Variants in FRMPD4 observed in about 807,000 individuals in gnomAD.
FRMPD4 encodes FERM and PDZ domain-containing protein 4.
In FRMPD4, 22 loss-of-function variants were observed where a neutral mutation model predicts 94.1. The observed-to-expected ratio is 0.23, with a 90% CI of 0.17 to 0.33. FRMPD4 has a LOEUF of 0.33. Ranked by LOEUF, FRMPD4 falls within the 10% of genes least tolerant of loss-of-function variation. FRMPD4 has a pLI of 1.00. For missense variants in FRMPD4, 1,111 were observed against 1,339.9 expected (o/e 0.83, Z 2.67); for synonymous variants, 631 against 548.6 (o/e 1.15, Z -2.10).
intron 2 of FRMPD4, among the ~76,000 whole-genome samples, chrX:12,527,227 A>C (rs1013726196): frequency 8.9e-6 from 1 of 111,857 alleles, no homozygotes; most frequent in Non-Finnish European, 1.9e-5. Context: ...GCTTAATTAA[A>C]GCTTTTACTG....
intron 1 of FRMPD4, among the ~76,000 whole-genome samples, chrX:12,380,379 A>T (rs1271410535): frequency 8.9e-6 from 1 of 111,969 alleles, no homozygotes; most frequent in Non-Finnish European, 1.9e-5. Context: ...GCAGAAGAGG[A>T]CTCATACCAG....
At chrX:11,884,195 TTAGAGA>T (rs1358845906) in intron 3 of FRMPD4, among the ~76,000 whole-genome samples, 1 of 112,225 alleles carries the variant, frequency 8.9e-6, no homozygotes, top group African/African-American at 3.2e-5. Context: ...TTGCTCATTC[TTAGAGA>T]TGTCATGGAC....
intron 3 of FRMPD4, among the ~76,000 whole-genome samples, chrX:12,051,608 G>A (rs753806172): frequency 8.9e-6 from 1 of 111,999 alleles, no homozygotes; most frequent in African/African-American, 3.2e-5. Flanking sequence ...CTAAAACATT[G>A]TGTCCTTTTC....
At chrX:11,875,522 G>C (rs1001866111) in intron 2 of FRMPD4, among the ~76,000 whole-genome samples, 10 of 111,748 alleles carry the variant, frequency 8.9e-5, no homozygotes, top group Non-Finnish European at 1.7e-4. Flanking sequence ...CTCAAGTGGA[G>C]CTCCCCGACT....
intron 3 of FRMPD4, among the ~76,000 whole-genome samples, chrX:11,953,581 C>T (rs1259383808): frequency 1.8e-5 from 2 of 111,494 alleles, no homozygotes; most frequent in African/African-American, 6.5e-5. Context: ...GGGGAGAGAA[C>T]TTTGCAATAG....
intron 1 of FRMPD4, among the ~76,000 whole-genome samples, chrX:12,410,621 AGT>A: frequency 9.0e-6 from 1 of 111,699 alleles, no homozygotes; most frequent in South Asian, 3.8e-4. Context: ...TCCTGCCCAC[AGT>A]CCTCTAAAAT....
At chrX:11,981,079 C>G (rs1211180449) in intron 3 of FRMPD4, among the ~76,000 whole-genome samples, 2 of 111,567 alleles carry the variant, frequency 1.8e-5, no homozygotes, top group Non-Finnish European at 3.8e-5. Flanking sequence ...CCTACAAAGC[C>G]TAAAACATCT....
intron 1 of FRMPD4, among the ~76,000 whole-genome samples, chrX:12,292,187 G>A (rs1159785003): frequency 9.0e-6 from 1 of 111,710 alleles, no homozygotes; most frequent in Non-Finnish European, 1.9e-5. Flanking sequence ...TGATTTGGGG[G>A]AAAGGAAGCA....
At chrX:12,541,085 A>T (rs2058405338) in intron 2 of FRMPD4, among the ~76,000 whole-genome samples, 2 of 112,369 alleles carry the variant, frequency 1.8e-5, no homozygotes, top group Non-Finnish European at 3.8e-5. Context: ...GACACATTTA[A>T]AGCAGTGTGT....
intron 3 of FRMPD4, among the ~76,000 whole-genome samples, chrX:11,964,208 G>C (rs745344186): frequency 1.0e-4 from 11 of 109,939 alleles, no homozygotes; most frequent in Admixed American, 4.8e-4. Flanking sequence ...CGCCCAGGTA[G>C]GAGTGTGGTG....
intron 1 of FRMPD4, among the ~76,000 whole-genome samples, chrX:12,150,631 T>C (rs1338794413): frequency 8.9e-6 from 1 of 112,257 alleles, no homozygotes; most frequent in African/African-American, 3.2e-5. Flanking sequence ...TTTCTTTATA[T>C]GCTCTATATT....
At chrX:12,611,516 A>G (rs1416870562) in intron 3 of FRMPD4, among the ~76,000 whole-genome samples, 1 of 112,221 alleles carries the variant, frequency 8.9e-6, no homozygotes, top group Non-Finnish European at 1.9e-5. Context: ...AGGATGCAAT[A>G]AATTAGAAGA....
chrX:12,555,905 T>C (rs2058590674), intron 2 of FRMPD4, among the ~76,000 whole-genome samples: 2 of 111,988 alleles, frequency 1.8e-5, no homozygotes, highest in Admixed American at 9.5e-5. Context: ...GCCATTTTTT[T>C]CTTTCTTTTT....
intron 3 of FRMPD4, among the ~76,000 whole-genome samples, chrX:12,045,699 G>T (rs2054781653): frequency 9.0e-6 from 1 of 110,957 alleles, no homozygotes; most frequent in Admixed American, 9.6e-5. Context: ...GTTCTCCAAG[G>T]ATCCTTAGCA....
intron 1 of FRMPD4, among the ~76,000 whole-genome samples, chrX:11,830,640 A>G (rs1439573230): frequency 8.9e-6 from 1 of 112,278 alleles, no homozygotes; most frequent in African/African-American, 3.2e-5. Flanking sequence ...AATTTTTTAA[A>G]AAAGCTTGTA....
At chrX:12,209,846 T>C (rs181448887) in intron 1 of FRMPD4, among the ~76,000 whole-genome samples, 1 of 112,085 alleles carries the variant, frequency 8.9e-6, no homozygotes, top group East Asian at 2.8e-4. Flanking sequence ...CTCTCAACTG[T>C]TAATAATTGA....
intron 2 of FRMPD4, among the ~76,000 whole-genome samples, chrX:12,525,902 T>C (rs1383418536): frequency 8.9e-6 from 1 of 112,591 alleles, no homozygotes; most frequent in African/African-American, 3.2e-5. Context: ...TCTTTTCATA[T>C]GCCTATTGAC....
At chrX:12,427,782 G>T (rs2056962153) in intron 1 of FRMPD4, among the ~76,000 whole-genome samples, 1 of 109,954 alleles carries the variant, frequency 9.1e-6, no homozygotes, top group African/African-American at 3.3e-5. Flanking sequence ...ATTTATTCTA[G>T]AAGTATATTC....
intron 7 of FRMPD4, among the ~76,000 whole-genome samples, chrX:12,687,492 A>G (rs2060037485): frequency 1.8e-5 from 2 of 111,845 alleles, no homozygotes; most frequent in Admixed American, 1.9e-4. Flanking sequence ...TGTTTCAACT[A>G]CTGAACTCTG....
Sources: allele counts gnomAD v4.1 joint callset (sites outside exome capture counted in the v4.1 genomes callset), GRCh38; gene constraint gnomAD v4.1.1; transcripts MANE v1.5; gene names NCBI Gene and HGNC (gene_info 2026-07-23, HGNC 2026-07-21).